The following EPHA6 variants were observed in gnomAD, a reference collection of about 807,000 sequenced individuals.
EPHA6 encodes the protein EPH receptor A6.
EPHA6 carries 50 observed loss-of-function variants against 112.0 expected under a neutral mutation model. The ratio of observed to expected loss-of-function variants is 0.45; its 90% CI spans 0.36 to 0.56. The LOEUF (loss-of-function observed/expected upper bound fraction) is 0.56, where lower values mean the gene tolerates loss of function less well. Among genes scored for constraint, EPHA6 ranks in the 20% least tolerant of loss-of-function variants. The probability of loss-of-function intolerance (pLI) is 0.00; values close to 1 mark genes in which losing one functional copy is unlikely to be tolerated. For synonymous variants in EPHA6, 529 were observed against 490.7 expected, an observed-to-expected ratio of 1.08 and a Z score of -1.03; for missense variants, 1,280 against 1,417.4, an observed-to-expected ratio of 0.90 and a Z score of 1.56.
At chr3:97,144,218 T>C (rs2075982382) in intron 3 of EPHA6, among the ~76,000 whole-genome samples, 1 of 151,756 alleles carries the variant, frequency 6.6e-6, no homozygotes, top group African/African-American at 2.4e-5. Flanking sequence ...ATAGGTATAC[T>C]AATTATTGCT....
intron 1 of EPHA6, among the ~76,000 whole-genome samples, chr3:96,844,934 A>G (rs1221278298): frequency 2.0e-5 from 3 of 151,998 alleles, no homozygotes; most frequent in Non-Finnish European, 4.4e-5. Context: ...ATTAAATTAT[A>G]TATAAATTGT....
intron 5 of EPHA6, among the ~76,000 whole-genome samples, chr3:97,403,510 T>C (rs1317461381): frequency 1.3e-5 from 2 of 152,138 alleles, no homozygotes; most frequent in Non-Finnish European, 2.9e-5. Flanking sequence ...GCAGTGGCAC[T>C]CTCTCCGCTC....
At position 97,649,764 on chromosome 3, in the gene EPHA6, T is replaced by TCA. The variant is rs3064341; in HGVS notation, c.2784+11709_2784+11710dup. On this transcript the variant is annotated intron_variant, in intron 14 of 17. Transcript: ENST00000389672. Reference sequence around the variant, plus strand: ...TGGGAAAAAACAACAAAATCACTATTCACACACACACACACACACACACAC... The same window carrying TCA: ...TGGGAAAAAACAACAAAATCACTATTCACACACACACACACACACACACACAC... Among the ~76,000 whole-genome samples, 951 of 148,118 alleles carry TCA rather than the reference T, an allele frequency of 6.4e-3. 10 individuals are homozygous for TCA. Among genetic ancestry groups the TCA allele is most frequent in the South Asian group, 0.025 (115 of 4,656 alleles).
chr3:96,981,348 T>A (rs2042766636), intron 2 of EPHA6, among the ~76,000 whole-genome samples: 1 of 152,238 alleles, frequency 6.6e-6, no homozygotes, highest in East Asian at 1.9e-4. Flanking sequence ...GTGCTGGATT[T>A]CATTTATTGA....
chr3:97,346,440 G>A (rs182059138), intron 5 of EPHA6, among the ~76,000 whole-genome samples: 7 of 152,232 alleles, frequency 4.6e-5, no homozygotes, highest in African/African-American at 7.2e-5. Flanking sequence ...CAAAGTAGAC[G>A]TTTATCCTTC....
At chr3:96,970,287 CGA>C (rs138222062) in intron 2 of EPHA6, among the ~76,000 whole-genome samples, 12 of 147,306 alleles carry the variant, frequency 8.1e-5, no homozygotes, top group Non-Finnish European at 7.6e-5. Flanking sequence ...ACACACAGAG[CGA>C]GAGAGAGAGA....
At chr3:96,995,309 G>T (rs1414147398) in intron 3 of EPHA6, among the ~76,000 whole-genome samples, 2 of 152,032 alleles carry the variant, frequency 1.3e-5, no homozygotes, top group African/African-American at 4.8e-5. Context: ...ATGATGAAAA[G>T]CTGAAAGGTA....
chr3:96,931,326 T>G (rs79016804), intron 2 of EPHA6, among the ~76,000 whole-genome samples: 3,049 of 152,298 alleles, frequency 0.02, 97 homozygotes, highest in African/African-American at 0.07. Context: ...TGTGCTGCAC[T>G]GGGGGAACCC....
chr3:97,286,753 AT>A lies in EPHA6; in HGVS notation c.1606+42475del, dbSNP rs1199216021. Reference sequence around the variant, plus strand: ...TTTTTAAATTCCAAACAAATTTTAGATTTTTTTTTCTAGTTCTGTGAAAAAA... The same window carrying A: ...TTTTTAAATTCCAAACAAATTTTAGATTTTTTTTCTAGTTCTGTGAAAAAA... On this transcript the variant is annotated intron_variant, in intron 5 of 17. Coordinates refer to ENST00000389672, the MANE Select transcript of EPHA6 (RefSeq NM_001080448.3). Among the ~76,000 whole-genome samples, 15 of 147,876 alleles carry A rather than the reference AT, an allele frequency of 1.0e-4. 1 individual carries two copies. In the East Asian group the frequency reaches 2.4e-3, roughly 24 times the overall value.
At position 96,939,953 on chromosome 3, in the gene EPHA6, C is replaced by G. The variant is rs544051289; in HGVS notation, c.451-47377C>G. On this transcript the variant is annotated intron_variant, in intron 2 of 17. Transcript: ENST00000389672. ...AATCCTGAGTTCTAGTTTGATTGCA[C>G]TGTGGTCTGAGAGACAGTTTGTTAT... 9.3e-4 allele frequency among the ~76,000 whole-genome samples: 141 copies of G among 152,242 alleles called. 1 individual carries two copies. Among genetic ancestry groups the G allele is most frequent in the African/African-American group, 2.8e-3 (118 of 41,506 alleles).
chr3:97,146,502 T>C (rs2076046237), intron 3 of EPHA6, among the ~76,000 whole-genome samples: 1 of 151,866 alleles, frequency 6.6e-6, no homozygotes, highest in Non-Finnish European at 1.5e-5. Context: ...TTCCTCAGAC[T>C]CAGGCATCTC....
rs781018815 is a variant in EPHA6, at chr3:97,592,631, G to T, written c.2406G>T (p.Gly802=). 2 of 1,613,322 alleles carry T rather than the reference G, an allele frequency of 1.2e-6. No homozygotes were observed. Among genetic ancestry groups the T allele is most frequent in the South Asian group, 2.2e-5 (2 of 91,054 alleles). Residue 802 remains glycine, a synonymous_variant, in exon 12 of 18, where the codon GGG becomes GGT. Coordinates refer to ENST00000389672, the MANE Select transcript of EPHA6 (RefSeq NM_001080448.3). ...TAAAAGGATCCTTCCCGGCCATTGG[G>T]GTGGAGGCGTTTTGCCCCAGCTTCC... ...VVTKRSFPAI[G]VEAFCPSFLR... is the part of the protein sequence containing the mutation.
intron 3 of EPHA6, among the ~76,000 whole-genome samples, chr3:97,073,062 A>C (rs981841094): frequency 2.0e-5 from 3 of 152,116 alleles, no homozygotes; most frequent in African/African-American, 7.2e-5. Context: ...GCTTCTAGTT[A>C]CCGTTTCTTC....
intron 3 of EPHA6, among the ~76,000 whole-genome samples, chr3:97,187,688 G>GGAAAGAAA (rs71113853): frequency 0.075 from 8,067 of 107,844 alleles, 381 homozygotes; most frequent in East Asian, 0.18. Context: ...AAAGAAAGAA[G>GGAAAGAAA]GAAAGAAAGA....
At chr3:97,022,234 G>A (rs1191434488) in intron 3 of EPHA6, among the ~76,000 whole-genome samples, 1 of 152,040 alleles carries the variant, frequency 6.6e-6, no homozygotes. Context: ...ATAGCAATTG[G>A]TGTCTTGAGG....
At chr3:97,469,666 G>A (rs902566010) in intron 7 of EPHA6, among the ~76,000 whole-genome samples, 1 of 151,662 alleles carries the variant, frequency 6.6e-6, no homozygotes, top group East Asian at 1.9e-4. Context: ...GGAGAGAATT[G>A]GTTGAGGGCT....
At chr3:97,530,321 C>A (rs1287676674) in intron 10 of EPHA6, among the ~76,000 whole-genome samples, 1 of 151,812 alleles carries the variant, frequency 6.6e-6, no homozygotes, top group African/African-American at 2.4e-5. Flanking sequence ...TTTCACAAAC[C>A]TACTTTAGTT....
intron 5 of EPHA6, among the ~76,000 whole-genome samples, chr3:97,265,666 G>A (rs1041799585): frequency 2.0e-5 from 3 of 152,154 alleles, no homozygotes; most frequent in Admixed American, 1.3e-4. Flanking sequence ...TGGGAGGGTG[G>A]TGCTCCCATC....
At chr3:97,402,490 G>T in intron 5 of EPHA6, among the ~76,000 whole-genome samples, 1 of 151,980 alleles carries the variant, frequency 6.6e-6, no homozygotes, top group South Asian at 2.1e-4. Flanking sequence ...TGCATGGAAT[G>T]TCTTTTTCCA....
Sources: gnomAD v4.1 joint callset for allele counts (sites outside exome capture counted in the v4.1 genomes callset) on GRCh38, gnomAD v4.1.1 for gene constraint, MANE v1.5 for transcripts, NCBI Gene and HGNC (gene_info 2026-07-23, HGNC 2026-07-21) for gene names.